SLC4A4: variants seen among roughly 807,000 people sequenced by gnomAD.
SLC4A4 encodes the protein solute carrier family 4 member 4, also known as electrogenic sodium bicarbonate cotransporter 1.
In SLC4A4, 27 loss-of-function variants were observed where a neutral mutation model predicts 111.5. The ratio of observed to expected loss-of-function variants is 0.24; its 90% CI spans 0.18 to 0.33. The LOEUF (loss-of-function observed/expected upper bound fraction) is 0.33, where lower values mean the gene tolerates loss of function less well. Among genes scored for constraint, SLC4A4 ranks in the 10% least tolerant of loss-of-function variants. SLC4A4 has a pLI of 1.00. For missense variants in SLC4A4, 909 were observed against 1,315.5 expected (o/e 0.69, Z 4.78); for synonymous variants, 443 against 463.4 (o/e 0.96, Z 0.57).
chr4:71,281,638 T>C lies in SLC4A4; in HGVS notation c.253+26239T>C, dbSNP rs533047984. On this transcript the variant is annotated intron_variant, in intron 3 of 25. Transcript: ENST00000264485. ...GAATATAAAACCTTGATATGAGAAG[T>C]GATAATTGAAGTTTAATATTGCATT... 8.5e-5 allele frequency among the ~76,000 whole-genome samples: 13 copies of C among 152,318 alleles called. No individual in the cohort carries two copies. In the East Asian group the frequency reaches 2.5e-3, roughly 29 times the overall value.
intron 2 of SLC4A4, among the ~76,000 whole-genome samples, chr4:71,119,734 A>G (rs1743364970): frequency 6.6e-6 from 1 of 152,264 alleles, no homozygotes; most frequent in South Asian, 2.1e-4. Context: ...TTGCTTCTAC[A>G]TCTTTCTCTT....
At chr4:71,151,866 G>C (rs1744322169) in intron 2 of SLC4A4, among the ~76,000 whole-genome samples, 1 of 151,736 alleles carries the variant, frequency 6.6e-6, no homozygotes, top group Admixed American at 6.6e-5. Context: ...ATTGAGACCA[G>C]CCTGGCCAAC....
intron 2 of SLC4A4, among the ~76,000 whole-genome samples, chr4:71,111,113 T>C (rs1743072939): frequency 6.6e-6 from 1 of 152,138 alleles, no homozygotes; most frequent in African/African-American, 2.4e-5. Context: ...AAAAAAATTA[T>C]TTAATCTCAT....
At chr4:71,325,572 T>G (rs985638202) in intron 3 of SLC4A4, among the ~76,000 whole-genome samples, 7 of 152,022 alleles carry the variant, frequency 4.6e-5, no homozygotes, top group Admixed American at 3.9e-4. Flanking sequence ...CCATCTGTAC[T>G]TCATAGCTTT....
intron 9 of SLC4A4, among the ~76,000 whole-genome samples, chr4:71,449,187 T>C (rs1725535486): frequency 2.0e-5 from 3 of 152,310 alleles, no homozygotes; most frequent in South Asian, 4.1e-4. Flanking sequence ...ATGTTTTCTT[T>C]TCCTGTCAGT....
intron 14 of SLC4A4, among the ~76,000 whole-genome samples, chr4:71,476,797 G>A (rs1430310122): frequency 1.3e-5 from 2 of 151,684 alleles, no homozygotes; most frequent in East Asian, 2.0e-4. Flanking sequence ...AGTTGCAAGT[G>A]CTAGTAGGAA....
chr4:71,454,558 T>A lies in SLC4A4; in HGVS notation c.1497+889T>A, dbSNP rs549017345. ...GATGCCAGCCAGCTTATTTTTTTTT[T>A]AAATGCAGCTGATTCCATAGGATTG... On this transcript the variant is annotated intron_variant, in intron 12 of 25. Transcript: ENST00000264485. Among the ~76,000 whole-genome samples the A allele has an allele frequency of 3.9e-3, 587 of 152,210 alleles. 7 individuals are homozygous for A. The highest frequency in any genetic ancestry group is 0.03 in the South Asian group (144 of 4,812).
chr4:71,254,941 G>A (rs1341148698), intron 2 of SLC4A4, among the ~76,000 whole-genome samples: 1 of 152,148 alleles, frequency 6.6e-6, no homozygotes, highest in Admixed American at 6.6e-5. Flanking sequence ...AAGGATTCCT[G>A]ATTTCCAGTT....
chr4:71,133,287 G>A (rs940939933), intron 2 of SLC4A4, among the ~76,000 whole-genome samples: 2 of 152,108 alleles, frequency 1.3e-5, no homozygotes, highest in Non-Finnish European at 2.9e-5. Flanking sequence ...TTTACCGTAT[G>A]TTTTAGTTAT....
chr4:71,118,946 G>A (rs2148955352), intron 2 of SLC4A4, among the ~76,000 whole-genome samples: 1 of 152,236 alleles, frequency 6.6e-6, no homozygotes, highest in Non-Finnish European at 1.5e-5. Context: ...GGACTCTTAG[G>A]ACTGTAAAAC....
intron 1 of SLC4A4, among the ~76,000 whole-genome samples, chr4:71,210,794 A>G (rs1365803893): frequency 1.3e-5 from 2 of 152,208 alleles, no homozygotes; most frequent in Non-Finnish European, 2.9e-5. Context: ...AATCTCCTGA[A>G]TGAAGTGTCT....
intron 12 of SLC4A4, among the ~76,000 whole-genome samples, chr4:71,462,175 T>C (rs73828156): frequency 0.036 from 5,433 of 152,276 alleles, 243 homozygotes; most frequent in African/African-American, 0.1. Context: ...AGATTGTATC[T>C]CTGCTTTATA....
chr4:71,093,719 C>G (rs1188998764), intron 2 of SLC4A4, among the ~76,000 whole-genome samples: 2 of 152,074 alleles, frequency 1.3e-5, no homozygotes, highest in African/African-American at 4.8e-5. Flanking sequence ...GCATTTTCCC[C>G]CTTTGTGTCT....
At chr4:71,114,242 T>A in intron 2 of SLC4A4, among the ~76,000 whole-genome samples, 1 of 152,008 alleles carries the variant, frequency 6.6e-6, no homozygotes, top group East Asian at 1.9e-4. Context: ...CGAGACTCGC[T>A]CTCAAAAAAC....
At chr4:71,373,610 G>A (rs1317331085) in intron 6 of SLC4A4, among the ~76,000 whole-genome samples, 1 of 152,078 alleles carries the variant, frequency 6.6e-6, no homozygotes, top group Non-Finnish European at 1.5e-5. Flanking sequence ...AGCTAGAGTG[G>A]CAAAATAATT....
intron 2 of SLC4A4, among the ~76,000 whole-genome samples, chr4:71,156,573 T>TGTGCGC (rs1553957302): frequency 2.7e-4 from 23 of 85,714 alleles, no homozygotes; most frequent in Middle Eastern, 6.6e-3. Flanking sequence ...TGTGCGCGCA[T>TGTGCGC]GCGCGCGCGC....
intron 4 of SLC4A4, among the ~76,000 whole-genome samples, chr4:71,346,943 T>A (rs561453736): frequency 1.6e-4 from 24 of 152,288 alleles, no homozygotes; most frequent in African/African-American, 5.5e-4. Flanking sequence ...TTACTGAACT[T>A]AAAGTAAAAT....
At chr4:71,205,087 A>T (rs1487699072) in intron 1 of SLC4A4, among the ~76,000 whole-genome samples, 1 of 152,210 alleles carries the variant, frequency 6.6e-6, no homozygotes. Flanking sequence ...GACAATACCT[A>T]CATTAGCCAG....
intron 18 of SLC4A4, among the ~76,000 whole-genome samples, chr4:71,540,657 CCTGT>C (rs1734955471): frequency 1.3e-5 from 2 of 152,180 alleles, no homozygotes; most frequent in Non-Finnish European, 2.9e-5. Flanking sequence ...CTATTCACCA[CCTGT>C]CTATTACAAC....
Sources: allele counts gnomAD v4.1 joint callset (sites outside exome capture counted in the v4.1 genomes callset), GRCh38; gene constraint gnomAD v4.1.1; transcripts MANE v1.5; gene names NCBI Gene and HGNC (gene_info 2026-07-23, HGNC 2026-07-21).